CRYBG1: variants seen among roughly 807,000 people sequenced by gnomAD.
CRYBG1 encodes the protein beta/gamma crystallin domain-containing protein 1.
A neutral mutation model predicts 189.2 loss-of-function variants in CRYBG1; 139 were observed. The ratio of observed to expected loss-of-function variants is 0.73; its 90% CI spans 0.64 to 0.85. The LOEUF is 0.85. CRYBG1 is among the 40% of genes least tolerant of loss of function. CRYBG1 has a pLI of 0.00. For missense variants in CRYBG1, 2,611 were observed against 2,675.8 expected (o/e 0.98, Z 0.53); for synonymous variants, 1,023 against 1,017.1 (o/e 1.01, Z -0.11).
intron 16 of CRYBG1, 146 bp downstream of exon 16, chr6:106,553,713 G>C (rs745307797): frequency 3.2e-5 from 21 of 648,500 alleles, no homozygotes; most frequent in Non-Finnish European, 5.9e-5. Flanking sequence ...TGATATCTGA[G>C]TACCAGACGC....
intron 1 of CRYBG1, among the ~76,000 whole-genome samples, chr6:106,420,208 A>G (rs1771097330): frequency 6.6e-6 from 1 of 152,204 alleles, no homozygotes; most frequent in Non-Finnish European, 1.5e-5. Context: ...AAATATAAGC[A>G]TACAGGAGCA....
intron 7 of CRYBG1, among the ~76,000 whole-genome samples, chr6:106,529,888 T>C (rs1773839204): frequency 6.6e-6 from 1 of 152,156 alleles, no homozygotes; most frequent in Admixed American, 6.5e-5. Context: ...CAAGTGAGGA[T>C]GAGAAAAAGA....
chr6:106,427,865 C>A (rs766263196), intron 1 of CRYBG1, among the ~76,000 whole-genome samples: 6 of 152,210 alleles, frequency 3.9e-5, no homozygotes, highest in Non-Finnish European at 7.3e-5. Context: ...TCTTGCAGCT[C>A]TCCCAGGCAC....
chr6:106,561,450 G>A lies in CRYBG1; in HGVS notation c.6088G>A (p.Gly2030Arg), dbSNP rs1175701546. 5 of 1,614,136 alleles carry A rather than the reference G, an allele frequency of 3.1e-6. No individual in the cohort carries two copies. Among genetic ancestry groups the A allele is most frequent in the South Asian group, 1.1e-5 (1 of 91,080 alleles). The change falls in exon 20 of 22, where the codon GGG (glycine) becomes AGG (arginine). Residue 2030 changes from glycine (G) to arginine (R), a missense_variant. Physicochemically the swap from Gly to Arg is moderately radical, Grantham distance 125 (BLOSUM62 -2). This residue lies in a region of CRYBG1 where 1,622 missense variants were observed against 1,735.0 expected (regional missense o/e 0.93). Coordinates refer to ENST00000633556, the MANE Select transcript of CRYBG1 (RefSeq NM_001371242.2). ...LLRIQVMEDV[G>R]ADDQIWIYQE... ...GAGGATACAGGTCATGGAGGATGTC[G>A]GGGCCGATGATCAGATTTGGATCTA...
chr6:106,563,505 G>C (rs921037897), intron 20 of CRYBG1, among the ~76,000 whole-genome samples: 11 of 152,166 alleles, frequency 7.2e-5, no homozygotes, highest in Non-Finnish European at 8.8e-5. Context: ...TTCCCTACTA[G>C]TAAGATAGTC....
chr6:106,463,474 A>G (rs1055691330), intron 2 of CRYBG1, among the ~76,000 whole-genome samples: 10 of 152,176 alleles, frequency 6.6e-5, no homozygotes, highest in African/African-American at 2.2e-4. Flanking sequence ...TAAACTTATG[A>G]TCTATTCTTT....
At chr6:106,363,956 G>T (rs1268995820) in intron 1 of CRYBG1, among the ~76,000 whole-genome samples, 1 of 151,992 alleles carries the variant, frequency 6.6e-6, no homozygotes, top group African/African-American at 2.4e-5. Flanking sequence ...TCAAAGCAAA[G>T]GTCTAATGGA....
chr6:106,376,515 C>G, intron 1 of CRYBG1, among the ~76,000 whole-genome samples: 1 of 152,154 alleles, frequency 6.6e-6, no homozygotes, highest in East Asian at 1.9e-4. Context: ...AGTGGGAGGT[C>G]AGGCTGGAGT....
At chr6:106,502,406 T>G (rs1383839666) in intron 2 of CRYBG1, among the ~76,000 whole-genome samples, 1 of 152,220 alleles carries the variant, frequency 6.6e-6, no homozygotes, top group African/African-American at 2.4e-5. Context: ...TTGGCTAAAT[T>G]TTAGTTAGGA....
At chr6:106,539,053 A>G (rs1231970759) in intron 8 of CRYBG1, among the ~76,000 whole-genome samples, 1 of 152,212 alleles carries the variant, frequency 6.6e-6, no homozygotes, top group Non-Finnish European at 1.5e-5. Context: ...TGAGGATTAG[A>G]TGAAGTTCTC....
intron 2 of CRYBG1, among the ~76,000 whole-genome samples, chr6:106,469,558 A>C (rs1234281158): frequency 6.6e-6 from 1 of 152,204 alleles, no homozygotes; most frequent in Non-Finnish European, 1.5e-5. Context: ...GGACTACTTA[A>C]TACTTAGTAG....
At chr6:106,552,458 T>G in intron 15 of CRYBG1, 1 of 221,482 alleles carries the variant, frequency 4.5e-6, no homozygotes, top group Non-Finnish European at 8.7e-6. Context: ...TGGTGGCTTG[T>G]GTCTATAAGC....
chr6:106,519,175 A>G lies in CRYBG1; in HGVS notation c.1967A>G (p.Lys656Arg), dbSNP rs768742257. The G allele has an allele frequency of 1.2e-6, 2 of 1,614,128 alleles. No homozygotes were observed. The highest frequency in any genetic ancestry group is 1.1e-5 in the South Asian group (1 of 91,076). Residue 656 changes from lysine to arginine, a missense_variant, in exon 4 of 22, where the codon AAG (lysine) becomes AGG (arginine). This residue lies in a region of CRYBG1 where 985 missense variants were observed against 924.4 expected (regional missense o/e 1.07). Coordinates refer to ENST00000633556, the MANE Select transcript of CRYBG1 (RefSeq NM_001371242.2). ...GTGGAACTAAATCTTAAAACCCCTA[A>G]GAATCTTGACAGTTTGGGAAATGAG... is the stretch of plus-strand genomic sequence containing the variant. Reference protein sequence around the residue: ...KHVELNLKTPKNLDSLGNEHN... With the variant: ...KHVELNLKTPRNLDSLGNEHN...
chr6:106,512,599 G>A lies in CRYBG1; in HGVS notation c.1482G>A (p.Gly494=), dbSNP rs1028540841. Residue 494 remains glycine (G), a synonymous_variant, in exon 3 of 22, where the codon GGG becomes GGA. Transcript: ENST00000633556. The part of the protein sequence containing the change: ...PESKPSPGTK[G]QLRGESDRSK... The stretch of plus-strand genomic sequence containing the variant: ...CCAAGCCCAGCCCCGGTACCAAAGG[G>A]CAGCTCCGAGGGGAGTCGGACCGGA... The A allele has an allele frequency of 4.4e-6, 7 of 1,603,766 alleles. No homozygotes were observed. Among genetic ancestry groups the A allele is most frequent in the African/African-American group, 1.3e-5 (1 of 74,938 alleles).
chr6:106,471,433 G>A (rs1772230716), intron 2 of CRYBG1, among the ~76,000 whole-genome samples: 1 of 152,192 alleles, frequency 6.6e-6, no homozygotes, highest in African/African-American at 2.4e-5. Flanking sequence ...TCTGCTGATA[G>A]CTAATGCTGG....
intron 4 of CRYBG1, among the ~76,000 whole-genome samples, chr6:106,523,568 C>T (rs1773658329): frequency 6.6e-6 from 1 of 151,916 alleles, no homozygotes; most frequent in African/African-American, 2.4e-5. Context: ...TTCTTTAGGT[C>T]CTGGGCTTTT....
chr6:106,505,743 A>C (rs1485842100), intron 2 of CRYBG1, among the ~76,000 whole-genome samples: 1 of 151,862 alleles, frequency 6.6e-6, no homozygotes, highest in African/African-American at 2.4e-5. Context: ...TTTACAAAAA[A>C]ACTGCTCAGG....
At chr6:106,546,442 T>C (rs2114577654) in intron 13 of CRYBG1, among the ~76,000 whole-genome samples, 1 of 152,356 alleles carries the variant, frequency 6.6e-6, no homozygotes, top group East Asian at 1.9e-4. Context: ...CCCCATTGTA[T>C]CTCATGGGGC....
intron 1 of CRYBG1, among the ~76,000 whole-genome samples, chr6:106,385,775 C>T (rs1025128690): frequency 2.6e-5 from 4 of 152,140 alleles, no homozygotes; most frequent in African/African-American, 9.7e-5. Context: ...AAGAGGAACA[C>T]ATGCCACCTT....
Sources: allele counts gnomAD v4.1 joint callset (sites outside exome capture counted in the v4.1 genomes callset), GRCh38; gene constraint gnomAD v4.1.1; regional missense constraint gnomAD v4.1.1; transcripts MANE v1.5; gene names NCBI Gene and HGNC (gene_info 2026-07-23, HGNC 2026-07-21).